DPYD: variants seen among roughly 807,000 people sequenced by gnomAD.
DPYD encodes dihydropyrimidine dehydrogenase.
In DPYD, 109 loss-of-function variants were observed where a neutral mutation model predicts 116.2. The ratio of observed to expected loss-of-function variants is 0.94; its 90% CI spans 0.80 to 1.10. DPYD has a LOEUF of 1.10. Ranked by LOEUF, DPYD falls within the 50% of genes least tolerant of loss-of-function variation. DPYD has a pLI of 0.00. For synonymous variants in DPYD, 440 were observed against 432.0 expected, an observed-to-expected ratio of 1.02 and a Z score of -0.23; for missense variants, 1,302 against 1,254.5, an observed-to-expected ratio of 1.04 and a Z score of -0.57.
intron 8 of DPYD, among the ~76,000 whole-genome samples, chr1:97,646,051 A>G (rs1039451213): frequency 5.3e-5 from 8 of 152,278 alleles, no homozygotes; most frequent in African/African-American, 1.9e-4. Context: ...ATGTCCAAGG[A>G]AGTTTTATTT....
intron 20 of DPYD, among the ~76,000 whole-genome samples, chr1:97,157,077 T>C (rs1323072430): frequency 2.4e-5 from 3 of 123,434 alleles, no homozygotes; most frequent in South Asian, 2.6e-4. Flanking sequence ...TGAGAACACA[T>C]GGACACAGGA....
chr1:97,185,643 GAACT>G (rs1479257475), intron 20 of DPYD, among the ~76,000 whole-genome samples: 4 of 152,022 alleles, frequency 2.6e-5, no homozygotes, highest in Non-Finnish European at 4.4e-5. Flanking sequence ...CAACAAAAAT[GAACT>G]AATACCTACA....
At chr1:97,807,725 A>T (rs1668140396) in intron 3 of DPYD, among the ~76,000 whole-genome samples, 1 of 152,098 alleles carries the variant, frequency 6.6e-6, no homozygotes, top group Non-Finnish European at 1.5e-5. Context: ...ATCCAATAAC[A>T]TCTATATTTT....
At chr1:97,592,588 T>C (rs1294515506) in intron 10 of DPYD, among the ~76,000 whole-genome samples, 1 of 152,118 alleles carries the variant, frequency 6.6e-6, no homozygotes, top group Admixed American at 6.5e-5. Context: ...AGGATGGTCT[T>C]GATCTCCTGA....
intron 16 of DPYD, among the ~76,000 whole-genome samples, chr1:97,332,858 A>C (rs1570542807): frequency 1.3e-5 from 2 of 152,176 alleles, no homozygotes; most frequent in Non-Finnish European, 2.9e-5. Context: ...GTTGTAAAGA[A>C]CATATTAATA....
In DPYD at chr1:97,440,042, G is replaced by A. The variant is rs193075997; in HGVS notation, c.1905+10017C>T. 4.0e-3 allele frequency among the ~76,000 whole-genome samples: 604 copies of A among 151,966 alleles called. 9 individuals carry two copies. Among genetic ancestry groups the A allele is most frequent in the Admixed American group, 0.025 (383 of 15,256 alleles). On this transcript the variant is annotated intron_variant, in intron 14 of 22. Coordinates refer to ENST00000370192, the MANE Select transcript of DPYD (RefSeq NM_000110.4). ...TGTAATCCCAGCACTTTGGGAGGCC[G>A]AGGCGGGGGGATCACCTGAGGTCGG...
intron 8 of DPYD, among the ~76,000 whole-genome samples, chr1:97,600,157 T>C (rs1379272602): frequency 2.0e-5 from 3 of 152,164 alleles, no homozygotes; most frequent in Admixed American, 6.5e-5. Flanking sequence ...AAGACTTTGG[T>C]AGACAAATAA....
rs775739257 is a variant in DPYD at position 97,540,359 on chromosome 1, G to GAACAAAACAA, written c.1524+9191_1524+9200dup. Among the ~76,000 whole-genome samples the GAACAAAACAA allele has an allele frequency of 5.4e-4, 77 of 142,808 alleles. 1 individual carries two copies. The highest frequency in any genetic ancestry group is 1.6e-3 in the African/African-American group (59 of 36,808). The allele number at this position is 142,808 out of a possible 152,430, so 93.7% of individuals were successfully genotyped here. On this transcript the variant is annotated intron_variant, in intron 12 of 22. Transcript: ENST00000370192. ...GGGGTGGGGGTGGCGGCGGGGCAGG[G>GAACAAAACAA]AACAAAACAAAACAAAACAAAACAA...
At chr1:97,527,001 A>C (rs779534289) in intron 12 of DPYD, among the ~76,000 whole-genome samples, 1 of 152,150 alleles carries the variant, frequency 6.6e-6, no homozygotes, top group Non-Finnish European at 1.5e-5. Context: ...GCTTGTCCAA[A>C]GATTAATAAG....
intron 18 of DPYD, among the ~76,000 whole-genome samples, chr1:97,282,356 TA>T (rs1217625678): frequency 7.3e-6 from 1 of 136,934 alleles, no homozygotes; most frequent in African/African-American, 2.6e-5. Context: ...TTTTCACTGA[TA>T]TTTTTCCATT....
intron 2 of DPYD, among the ~76,000 whole-genome samples, chr1:97,849,079 C>T (rs981164144): frequency 6.6e-6 from 1 of 152,102 alleles, no homozygotes; most frequent in Non-Finnish European, 1.5e-5. Context: ...TAATGATTAG[C>T]TCTAGAGCAT....
chr1:97,622,478 A>G (rs1236648211), intron 8 of DPYD, among the ~76,000 whole-genome samples: 1 of 152,020 alleles, frequency 6.6e-6, no homozygotes, highest in African/African-American at 2.4e-5. Flanking sequence ...AAAAAAGCAT[A>G]AGAAGACATG....
chr1:97,313,634 T>G (rs967349484), intron 16 of DPYD, among the ~76,000 whole-genome samples: 1 of 151,846 alleles, frequency 6.6e-6, no homozygotes, highest in African/African-American at 2.4e-5. Context: ...TTTTTTCTTA[T>G]TTTTCTCTTT....
intron 1 of DPYD, among the ~76,000 whole-genome samples, chr1:97,888,333 A>T (rs1455072079): frequency 6.6e-6 from 1 of 152,008 alleles, no homozygotes; most frequent in African/African-American, 2.4e-5. Flanking sequence ...AGAGAAAAAG[A>T]ATAAAGAAAA....
chr1:97,688,949 C>T (rs1660873820), intron 7 of DPYD, among the ~76,000 whole-genome samples: 1 of 151,648 alleles, frequency 6.6e-6, no homozygotes, highest in African/African-American at 2.4e-5. Flanking sequence ...ATTTAACACA[C>T]TTTTGATTAA....
chr1:97,888,852 T>C (rs1672633588), intron 1 of DPYD, among the ~76,000 whole-genome samples: 1 of 152,088 alleles, frequency 6.6e-6, no homozygotes, highest in Non-Finnish European at 1.5e-5. Flanking sequence ...ATGTGACTTA[T>C]AAGAATTACT....
intron 1 of DPYD, among the ~76,000 whole-genome samples, chr1:97,913,784 C>G (rs1674082232): frequency 6.6e-6 from 1 of 151,506 alleles, no homozygotes; most frequent in African/African-American, 2.4e-5. Context: ...AGTAAAAGTG[C>G]TGGGGGCTTT....
chr1:97,707,289 G>C (rs72977717), intron 5 of DPYD, among the ~76,000 whole-genome samples: 1 of 151,764 alleles, frequency 6.6e-6, no homozygotes. Flanking sequence ...AGCAGCTTAT[G>C]AGCATATATT....
intron 4 of DPYD, among the ~76,000 whole-genome samples, chr1:97,729,837 T>C (rs1468793643): frequency 6.6e-6 from 1 of 152,216 alleles, no homozygotes; most frequent in African/African-American, 2.4e-5. Flanking sequence ...ATTCAATTCA[T>C]TATTCATCAA....
Sources: allele counts gnomAD v4.1 joint callset (sites outside exome capture counted in the v4.1 genomes callset), GRCh38; gene constraint gnomAD v4.1.1; transcripts MANE v1.5; gene names NCBI Gene and HGNC (gene_info 2026-07-23, HGNC 2026-07-21).